Variants in PIK3C2G observed in about 807,000 individuals in gnomAD.
The protein encoded by PIK3C2G is phosphatidylinositol 3-kinase C2 domain-containing subunit gamma.
A neutral mutation model predicts 181.1 loss-of-function variants in PIK3C2G; 168 were observed. That is an observed-to-expected ratio of 0.93 (90% confidence interval 0.82 to 1.05). The LOEUF (loss-of-function observed/expected upper bound fraction) is 1.05. PIK3C2G is among the 50% of genes least tolerant of loss of function. The pLI is 0.00. For synonymous variants in PIK3C2G, 573 were observed against 592.2 expected (o/e 0.97, Z 0.47); for missense variants, 1,869 against 1,732.8 (o/e 1.08, Z -1.40).
the PIK3C2G span, among the ~76,000 whole-genome samples, chr12:18,703,913 ATT>A: frequency 6.6e-6 from 1 of 152,212 alleles, no homozygotes; most frequent in East Asian, 1.9e-4. Context: ...TTACAAAAAT[ATT>A]GTTATGTCTA....
intron 14 of PIK3C2G, among the ~76,000 whole-genome samples, chr12:18,388,973 C>G (rs1231474215): frequency 6.6e-6 from 1 of 152,152 alleles, no homozygotes; most frequent in African/African-American, 2.4e-5. Flanking sequence ...AGTGCATCCT[C>G]AAGGCTTAGC....
chr12:18,337,554 C>T (rs1938651056), intron 8 of PIK3C2G, among the ~76,000 whole-genome samples: 1 of 152,090 alleles, frequency 6.6e-6, no homozygotes, highest in African/African-American at 2.4e-5. Context: ...CTGGTGAGGG[C>T]CTCAAGAAGC....
intron 16 of PIK3C2G, among the ~76,000 whole-genome samples, chr12:18,401,791 A>C (rs1181300390): frequency 6.6e-6 from 1 of 152,174 alleles, no homozygotes; most frequent in Non-Finnish European, 1.5e-5. Context: ...TTAAGGAAAT[A>C]AAAATGAAAA....
At chr12:18,721,380 A>G in the PIK3C2G span, among the ~76,000 whole-genome samples, 1 of 152,096 alleles carries the variant, frequency 6.6e-6, no homozygotes, top group African/African-American at 2.4e-5. Flanking sequence ...GTGATCAATA[A>G]TCATGTAAAT....
At chr12:18,418,881 A>G (rs1163784952) in intron 16 of PIK3C2G, among the ~76,000 whole-genome samples, 4 of 152,190 alleles carry the variant, frequency 2.6e-5, no homozygotes, top group Admixed American at 6.5e-5. Context: ...CTTCACAGGT[A>G]AATTGATGCT....
chr12:18,484,002 A>T (rs1939800584), intron 18 of PIK3C2G, among the ~76,000 whole-genome samples: 1 of 152,216 alleles, frequency 6.6e-6, no homozygotes. Context: ...GGAAGAAAGG[A>T]GAGGCAAAAT....
intron 8 of PIK3C2G, among the ~76,000 whole-genome samples, chr12:18,335,950 G>A (rs768500176): frequency 6.6e-6 from 1 of 151,960 alleles, no homozygotes; most frequent in Non-Finnish European, 1.5e-5. Context: ...TTCAATTAGT[G>A]ATGTTTATGA....
At chr12:18,479,848 C>T (rs1036524114) in intron 18 of PIK3C2G, among the ~76,000 whole-genome samples, 14 of 152,266 alleles carry the variant, frequency 9.2e-5, no homozygotes, top group African/African-American at 2.2e-4. Flanking sequence ...CCAAATTTCT[C>T]GATCACTCAG....
At chr12:18,343,272 C>T (rs2137636062) in intron 9 of PIK3C2G, 55 bp from the exon 10 acceptor site, 2 of 908,244 alleles carry the variant, frequency 2.2e-6, no homozygotes, top group Admixed American at 4.8e-5. Flanking sequence ...TACTATTTGA[C>T]TATTTTGTGA....
At chr12:18,576,074 T>C (rs1291673050) in intron 29 of PIK3C2G, among the ~76,000 whole-genome samples, 1 of 152,236 alleles carries the variant, frequency 6.6e-6, no homozygotes, top group African/African-American at 2.4e-5. Flanking sequence ...CATTTAAATA[T>C]ATTTTATACA....
At chr12:18,485,407 C>T (rs1422925420) in intron 18 of PIK3C2G, among the ~76,000 whole-genome samples, 1 of 152,114 alleles carries the variant, frequency 6.6e-6, no homozygotes. Flanking sequence ...CACTATAATT[C>T]ACTTAACTTA....
At chr12:18,521,611 GA>G (rs1379876211) in intron 24 of PIK3C2G, among the ~76,000 whole-genome samples, 1 of 152,178 alleles carries the variant, frequency 6.6e-6, no homozygotes, top group African/African-American at 2.4e-5. Flanking sequence ...CTCCAGCCAG[GA>G]GGGGTGGGGG....
At chr12:18,512,881 AG>A (rs759205942) in intron 24 of PIK3C2G, among the ~76,000 whole-genome samples, 2 of 151,900 alleles carry the variant, frequency 1.3e-5, no homozygotes, top group Non-Finnish European at 3.0e-5. Flanking sequence ...CTGATCTTAG[AG>A]GAAAAGCTTT....
the PIK3C2G span, among the ~76,000 whole-genome samples, chr12:18,690,495 G>A: frequency 6.6e-6 from 1 of 152,100 alleles, no homozygotes; most frequent in Non-Finnish European, 1.5e-5. Flanking sequence ...AAAGTGATGG[G>A]ATTACAGATG....
chr12:18,260,164 C>T (rs1180166009), upstream of PIK3C2G, among the ~76,000 whole-genome samples: 1 of 127,670 alleles, frequency 7.8e-6, no homozygotes, highest in Non-Finnish European at 1.9e-5. Context: ...CTCATAAGTC[C>T]TCCTGAAAAA....
At chr12:18,262,745 C>T (rs1036809615) in intron 1 of PIK3C2G, among the ~76,000 whole-genome samples, 21 of 151,964 alleles carry the variant, frequency 1.4e-4, no homozygotes, top group African/African-American at 4.8e-4. Flanking sequence ...TTCACTTTTT[C>T]TTCTGCCTGA....
intron 30 of PIK3C2G, among the ~76,000 whole-genome samples, chr12:18,608,730 A>G (rs1220994142): frequency 3.3e-5 from 5 of 152,148 alleles, no homozygotes; most frequent in Admixed American, 2.6e-4. Context: ...ATAGAATAAA[A>G]GTGGGAAATA....
chr12:18,482,263 G>A (rs1472328309), intron 18 of PIK3C2G, among the ~76,000 whole-genome samples: 1 of 148,186 alleles, frequency 6.7e-6, no homozygotes, highest in Admixed American at 6.9e-5. Flanking sequence ...TTCTTTTTTG[G>A]CTGTAACTTT....
the PIK3C2G span, chr12:18,695,102 C>T: frequency 6.2e-7 from 1 of 1,602,342 alleles, no homozygotes; most frequent in Non-Finnish European, 8.5e-7. Context: ...AGTATTTTGA[C>T]ATTGTCAGGT....
Sources: allele counts gnomAD v4.1 joint callset (sites outside exome capture counted in the v4.1 genomes callset), GRCh38; gene constraint gnomAD v4.1.1; transcripts MANE v1.5; gene names NCBI Gene and HGNC (gene_info 2026-07-23, HGNC 2026-07-21).